The following ITPR2 variants were observed in gnomAD, a reference collection of about 807,000 sequenced individuals.
ITPR2 encodes the protein inositol 1,4,5-trisphosphate receptor type 2, also known as inositol 1,4,5-trisphosphate-gated calcium channel ITPR2.
In ITPR2, 207 loss-of-function variants were observed where a neutral mutation model predicts 317.1. The observed-to-expected ratio is 0.65, with a 90% CI of 0.58 to 0.73. The LOEUF is 0.73. Ranked by LOEUF, ITPR2 falls within the 30% of genes least tolerant of loss-of-function variation. ITPR2 has a pLI of 0.00. For synonymous variants in ITPR2, 1,156 were observed against 1,149.1 expected (o/e 1.01, Z -0.12); for missense variants, 2,613 against 3,284.0 (o/e 0.80, Z 4.99).
rs1013348775 is a variant in ITPR2, at chr12:26,638,392, G to A, written c.2741-6333C>T. Among the ~76,000 whole-genome samples the A allele has an allele frequency of 2.4e-4, 36 of 152,260 alleles. 1 individual carries two copies. Among genetic ancestry groups the A allele is most frequent in the South Asian group, 1.5e-3 (7 of 4,826 alleles). On this transcript the variant is annotated intron_variant, in intron 21 of 56. Coordinates refer to ENST00000381340, the MANE Select transcript of ITPR2 (RefSeq NM_002223.4). ...GTTCTCATAAAGGCATATACCATAC[G>A]AACCACATGCAAACCAGTTACTGAA... is the stretch of plus-strand genomic sequence containing the variant.
chr12:26,463,448 T>C (rs567033408), intron 45 of ITPR2, among the ~76,000 whole-genome samples: 99 of 151,986 alleles, frequency 6.5e-4, no homozygotes, highest in Middle Eastern at 3.2e-3. Context: ...GGGCGGATTA[T>C]CTGAGGTCAA....
intron 49 of ITPR2, among the ~76,000 whole-genome samples, chr12:26,422,075 CT>C (rs1488180885): frequency 6.7e-6 from 1 of 150,234 alleles, no homozygotes. Context: ...ATTAAATTAT[CT>C]ATTTGCTAAT....
rs1464350998 is a variant in ITPR2 at position 26,785,278 on chromosome 12, G to A, written c.163+4879C>T. Among the ~76,000 whole-genome samples, 24 of 41,170 alleles carry A rather than the reference G, an allele frequency of 5.8e-4. 3 individuals are homozygous for A. Among genetic ancestry groups the A allele is most frequent in the African/African-American group, 1.2e-3 (22 of 17,642 alleles). The allele number at this position is 41,170 out of a possible 152,430, so 27.0% of individuals were successfully genotyped here. ...AGTGAGGAGCCCCTCTGCCCGGCCA[G>A]CCGCCCCGTCCGAGAGGGAGGTGGT... On this transcript the variant is annotated intron_variant, in intron 2 of 56. Transcript: ENST00000381340.
intron 32 of ITPR2, 117 bp downstream of exon 32, chr12:26,595,348 G>C: frequency 1.1e-6 from 1 of 945,130 alleles, no homozygotes; most frequent in Non-Finnish European, 1.6e-6. Flanking sequence ...ACAACTTTAT[G>C]AATGAATGCA....
intron 21 of ITPR2, among the ~76,000 whole-genome samples, chr12:26,649,922 T>A (rs545716624): frequency 1.3e-5 from 2 of 152,218 alleles, no homozygotes; most frequent in South Asian, 4.1e-4. Flanking sequence ...AAAGGAGAAA[T>A]TTTGCCCATT....
chr12:26,610,493 A>G (rs1383813410), intron 26 of ITPR2, among the ~76,000 whole-genome samples: 2 of 152,184 alleles, frequency 1.3e-5, no homozygotes, highest in African/African-American at 2.4e-5. Flanking sequence ...AGGGAGAACT[A>G]GAGAAAAATC....
At chr12:26,583,550 T>C (rs942193929) in intron 32 of ITPR2, among the ~76,000 whole-genome samples, 12 of 152,162 alleles carry the variant, frequency 7.9e-5, no homozygotes, top group Non-Finnish European at 1.3e-4. Flanking sequence ...GAATAGTCCA[T>C]ACATTTTTAT....
rs75539831 is a variant in ITPR2, at chr12:26,809,525, T to G, written c.93-19298A>C. On this transcript the variant is annotated intron_variant, in intron 1 of 56. Coordinates refer to ENST00000381340, the MANE Select transcript of ITPR2 (RefSeq NM_002223.4). The stretch of plus-strand genomic sequence containing the variant: ...CTCCCTAGGAACAGGCAATCTCATT[T>G]GACATTTTGGTAAGATTTTACCAAT... 4.8e-3 allele frequency among the ~76,000 whole-genome samples: 736 copies of G among 152,380 alleles called. 5 individuals carry two copies. The highest frequency in any genetic ancestry group is 0.016 in the African/African-American group (686 of 41,590).
intron 55 of ITPR2, among the ~76,000 whole-genome samples, chr12:26,371,109 A>G (rs1939175992): frequency 6.6e-6 from 1 of 152,230 alleles, no homozygotes; most frequent in South Asian, 2.1e-4. Context: ...GACACCATAC[A>G]TGGAATGAGC....
At chr12:26,702,420 GT>G (rs147003640) in intron 9 of ITPR2, among the ~76,000 whole-genome samples, 19,309 of 113,360 alleles carry the variant, frequency 0.17, 2,153 homozygotes, top group Non-Finnish European at 0.25. Flanking sequence ...GGGGGTTGGT[GT>G]TTTTTTTTTC....
intron 39 of ITPR2, 122 bp downstream of exon 39, chr12:26,494,030 AT>A (rs11291225): frequency 0.59 from 289,519 of 487,458 alleles, 65,811 homozygotes; most frequent in Non-Finnish European, 0.64. Flanking sequence ...TGATACATGG[AT>A]TTTTTTTTTT....
chr12:26,557,587 G>A (rs1429704159), intron 35 of ITPR2, among the ~76,000 whole-genome samples: 3 of 152,222 alleles, frequency 2.0e-5, no homozygotes, highest in Admixed American at 1.3e-4. Context: ...GACCCTGGGA[G>A]ACCAGCATCA....
At chr12:26,634,330 G>A (rs1474650247) in intron 21 of ITPR2, among the ~76,000 whole-genome samples, 1 of 152,068 alleles carries the variant, frequency 6.6e-6, no homozygotes, top group Non-Finnish European at 1.5e-5. Flanking sequence ...CTAAACTGTT[G>A]AGATAAATCA....
At chr12:26,745,286 G>T (rs1949300413) in intron 2 of ITPR2, among the ~76,000 whole-genome samples, 1 of 152,222 alleles carries the variant, frequency 6.6e-6, no homozygotes, top group African/African-American at 2.4e-5. Flanking sequence ...TTCAACTGAT[G>T]CTGAGTTTCT....
At chr12:26,542,880 A>G (rs1270712813) in intron 37 of ITPR2, among the ~76,000 whole-genome samples, 1 of 152,206 alleles carries the variant, frequency 6.6e-6, no homozygotes, top group Non-Finnish European at 1.5e-5. Context: ...GAATGTAAAG[A>G]GAATAACTGT....
chr12:26,426,136 G>T (rs1941054947), intron 49 of ITPR2, among the ~76,000 whole-genome samples: 2 of 151,948 alleles, frequency 1.3e-5, no homozygotes, highest in African/African-American at 2.4e-5. Context: ...CCCAGTAAAT[G>T]ATTATTATTT....
chr12:26,358,623 T>C (rs1357918182), intron 55 of ITPR2, among the ~76,000 whole-genome samples: 3 of 152,104 alleles, frequency 2.0e-5, no homozygotes, highest in Admixed American at 2.0e-4. Context: ...TTGTCAGGAG[T>C]GAATTCTGTG....
chr12:26,383,743 G>A (rs61914380), intron 55 of ITPR2, among the ~76,000 whole-genome samples: 2,799 of 148,814 alleles, frequency 0.019, 36 homozygotes, highest in Non-Finnish European at 0.026. Flanking sequence ...TGATCTTCCC[G>A]CCTCAGTCTC....
At chr12:26,667,956 G>A (rs527534393) in intron 13 of ITPR2, among the ~76,000 whole-genome samples, 1 of 152,232 alleles carries the variant, frequency 6.6e-6, no homozygotes, top group South Asian at 2.1e-4. Flanking sequence ...ACCTCTTCAT[G>A]ACAAGGCCAT....
Sources: gnomAD v4.1 joint callset for allele counts (sites outside exome capture counted in the v4.1 genomes callset) on GRCh38, gnomAD v4.1.1 for gene constraint, MANE v1.5 for transcripts, NCBI Gene and HGNC (gene_info 2026-07-23, HGNC 2026-07-21) for gene names.